TBX5: variants seen among roughly 807,000 people sequenced by gnomAD.
TBX5 encodes T-box transcription factor TBX5.
Under a neutral mutation model 51.1 loss-of-function variants are expected in TBX5, and 8 were observed. The ratio of observed to expected loss-of-function variants is 0.16; its 90% CI spans 0.09 to 0.28. The LOEUF (loss-of-function observed/expected upper bound fraction) is 0.28. TBX5 is among the 10% of genes least tolerant of loss of function. The probability of loss-of-function intolerance (pLI) is 1.00; values close to 1 mark genes in which losing one functional copy is unlikely to be tolerated. For synonymous variants in TBX5, 302 were observed against 266.4 expected (o/e 1.13, Z -1.30); for missense variants, 589 against 671.7 (o/e 0.88, Z 1.36).
At chr12:114,407,250 C>T (rs1301784678), upstream of TBX5, 1 of 267,440 alleles carries the variant, frequency 3.7e-6, no homozygotes, top group African/African-American at 2.3e-5. Flanking sequence ...CTCACTCCAC[C>T]TTCCAGGTTT....
intron 4 of TBX5, 102 bp downstream of exon 4, chr12:114,399,411 A>C (rs1259094026): frequency 1.4e-6 from 2 of 1,475,470 alleles, no homozygotes; most frequent in African/African-American, 3.0e-5. Flanking sequence ...ACACAGTAGG[A>C]ACTAAAAAAA....
At chr12:114,395,507 A>G (rs1371716317) in intron 5 of TBX5, among the ~76,000 whole-genome samples, 1 of 152,086 alleles carries the variant, frequency 6.6e-6, no homozygotes, top group Non-Finnish European at 1.5e-5. Context: ...TCGTGAAAAG[A>G]GAAGATATTT....
intron 4 of TBX5, 56 bp downstream of exon 4, chr12:114,399,457 T>A: frequency 6.2e-7 from 1 of 1,613,116 alleles, no homozygotes; most frequent in Non-Finnish European, 8.5e-7. Context: ...TTCAACTTTT[T>A]GGGAGAAGGT....
rs535855664 is a variant in TBX5, at chr12:114,378,860, A to G, written c.755+6616T>C. Reference sequence around the variant, plus strand: ...ACCATGTTGTCCAGGCTGGTCTCAAACTCCCTGAATCTGAACCCACCTGAG... The same window carrying G: ...ACCATGTTGTCCAGGCTGGTCTCAAGCTCCCTGAATCTGAACCCACCTGAG... On this transcript the variant is annotated intron_variant, in intron 7 of 8. Transcript: ENST00000405440. Among the ~76,000 whole-genome samples the G allele has an allele frequency of 1.7e-4, 26 of 152,142 alleles. No homozygotes were observed. The South Asian group carries it at 5.4e-3, about 32-fold the overall frequency.
At position 114,355,357 on chromosome 12, in the gene TBX5, T is replaced by C. The variant is rs1198240496; in HGVS notation, c.*175A>G. The C allele has an allele frequency of 2.4e-6, 2 of 821,824 alleles. No individual in the cohort carries two copies. Among genetic ancestry groups the C allele is most frequent in the Non-Finnish European group, 4.0e-6 (2 of 497,698 alleles). The allele number at this position is 821,824 out of a possible 1,614,324, so 50.9% of individuals were successfully genotyped here. A position where few individuals can be genotyped will look rare whatever the true frequency, so the allele number is the denominator to read the frequency against. On this transcript the variant is annotated 3_prime_UTR_variant, in exon 9 of 9. Transcript: ENST00000405440. The stretch of plus-strand genomic sequence containing the variant: ...GAAAGTCACATTTTTAAAATTGTGG[T>C]TTCAAGCTACTGATTAGATCAGCAT...
At position 114,403,866 on chromosome 12, in the gene TBX5, C is replaced by T; in HGVS notation, c.33G>A (p.Ala11=). The part of the protein sequence containing the change: MADADEGFGL[A]HTPLEPDAKD... ...TTGCGTCAGGCTCCAGAGGCGTGTGCGCCAGGCCAAAGCCCTCGTCTGCGT... is the reference window on the plus strand; with the variant it reads ...TTGCGTCAGGCTCCAGAGGCGTGTGTGCCAGGCCAAAGCCCTCGTCTGCGT... The change falls in exon 2 of 9, where the codon GCG becomes GCA. Residue 11 remains alanine, a synonymous_variant. Transcript: ENST00000405440. 1 of 1,613,562 alleles carries T rather than the reference C, an allele frequency of 6.2e-7. No individual in the cohort carries two copies. Among genetic ancestry groups the T allele is most frequent in the Non-Finnish European group, 8.5e-7 (1 of 1,179,944 alleles).
At chr12:114,406,782 A>G (rs1285978334), upstream of TBX5, among the ~76,000 whole-genome samples, 1 of 151,704 alleles carries the variant, frequency 6.6e-6, no homozygotes, top group Admixed American at 6.6e-5. Context: ...TCAAACAGTC[A>G]CTGGGGACTG....
intron 8 of TBX5, among the ~76,000 whole-genome samples, chr12:114,356,993 TGGATG>T (rs1868955918): frequency 4.0e-5 from 1 of 25,134 alleles, no homozygotes; most frequent in South Asian, 1.3e-3. Context: ...ATTTGTACGA[TGGATG>T]GATGGATGGA....
chr12:114,378,965 C>T (rs1341802704), intron 7 of TBX5, among the ~76,000 whole-genome samples: 1 of 152,216 alleles, frequency 6.6e-6, no homozygotes, highest in Non-Finnish European at 1.5e-5. Flanking sequence ...GACCAGGTGG[C>T]TTCCACTTCC....
In TBX5 at chr12:114,401,899, A is replaced by T. The variant is rs562706670; in HGVS notation, c.169T>A (p.Phe57Ile). The T allele has an allele frequency of 1.9e-6, 3 of 1,614,168 alleles. No homozygotes were observed. The South Asian group carries it at 3.3e-5, about 18-fold the overall frequency. Residue 57 changes from phenylalanine (F) to isoleucine (I), a missense_variant, in exon 3 of 9, where the codon TTT becomes ATT. By Grantham distance (21) the Phe-to-Ile change is conservative. Coordinates refer to ENST00000405440, the MANE Select transcript of TBX5 (RefSeq NM_181486.4). ...AGCCACAGTTCTCTTTCATGGAGAA[A>T]CACTTTGATTCCCTCCATGCCCTGC... ...TQQGMEGIKVFLHERELWLKF... is the reference protein window; with the variant it reads ...TQQGMEGIKVILHERELWLKF...
intron 5 of TBX5, among the ~76,000 whole-genome samples, chr12:114,396,247 C>T (rs577917455): frequency 6.6e-6 from 1 of 151,948 alleles, no homozygotes; most frequent in South Asian, 2.1e-4. Context: ...CCGGCCGCCT[C>T]CCCGGCCGAT....
chr12:114,393,782 C>T (rs993564779), intron 6 of TBX5, among the ~76,000 whole-genome samples: 1 of 152,198 alleles, frequency 6.6e-6, no homozygotes, highest in African/African-American at 2.4e-5. Flanking sequence ...CCAAGCAATG[C>T]AGGTCTGCCT....
At chr12:114,397,323 T>C (rs1185176420) in intron 5 of TBX5, among the ~76,000 whole-genome samples, 1 of 152,120 alleles carries the variant, frequency 6.6e-6, no homozygotes, top group Non-Finnish European at 1.5e-5. Context: ...TGTAGGACCT[T>C]GACAAGTCAC....
At chr12:114,372,126 A>G (rs1869944605) in intron 7 of TBX5, among the ~76,000 whole-genome samples, 1 of 152,130 alleles carries the variant, frequency 6.6e-6, no homozygotes, top group African/African-American at 2.4e-5. Flanking sequence ...AGGGATGAGA[A>G]ATTACTTAAT....
chr12:114,399,439 TACA>T, intron 4 of TBX5, 71 bp downstream of exon 4: 1 of 1,600,568 alleles, frequency 6.2e-7, no homozygotes, highest in Non-Finnish European at 8.5e-7. Flanking sequence ...AGTTCACTGA[TACA>T]ACTTTTCAAC....
At chr12:114,390,655 C>T (rs897440742) in intron 6 of TBX5, among the ~76,000 whole-genome samples, 3 of 152,176 alleles carry the variant, frequency 2.0e-5, no homozygotes, top group African/African-American at 7.2e-5. Flanking sequence ...ATATAGACTC[C>T]TTACACAATG....
chr12:114,365,142 G>A (rs1475181463), intron 8 of TBX5, among the ~76,000 whole-genome samples: 1 of 151,218 alleles, frequency 6.6e-6, no homozygotes, highest in Non-Finnish European at 1.5e-5. Flanking sequence ...TTTAAATGGG[G>A]GATGAGACGG....
Position 114,379,044 on chromosome 12 carries a change from C to T in TBX5, c.755+6432G>A, listed in dbSNP as rs150130123. 3.6e-3 allele frequency among the ~76,000 whole-genome samples: 547 copies of T among 152,290 alleles called. 4 individuals carry two copies. Among genetic ancestry groups the T allele is most frequent in the African/African-American group, 0.013 (524 of 41,550 alleles). On this transcript the variant is annotated intron_variant, in intron 7 of 8. Coordinates refer to ENST00000405440, the MANE Select transcript of TBX5 (RefSeq NM_181486.4). ...CACATTCTGATTTTTCAGTGGACAA[C>T]AGCTGAGGTCCCATCCAAAAGCAGC...
At chr12:114,398,762 T>A (rs1414228527) in intron 4 of TBX5, 42 bp from the exon 5 acceptor site, 1 of 1,576,994 alleles carries the variant, frequency 6.3e-7, no homozygotes, top group Non-Finnish European at 8.6e-7. Flanking sequence ...GCTCAGAGTC[T>A]GGAGGTAGCG....
Sources: allele counts gnomAD v4.1 joint callset (sites outside exome capture counted in the v4.1 genomes callset), GRCh38; gene constraint gnomAD v4.1.1; transcripts MANE v1.5; gene names NCBI Gene and HGNC (gene_info 2026-07-23, HGNC 2026-07-21).